Variants in DNAH17 observed in about 807,000 individuals in gnomAD.
DNAH17 encodes axonemal beta dynein heavy chain 17.
Under a neutral mutation model 485.6 loss-of-function variants are expected in DNAH17, and 376 were observed. The observed-to-expected ratio is 0.77, with a 90% CI of 0.71 to 0.84. The LOEUF (loss-of-function observed/expected upper bound fraction) is 0.84, where lower values mean the gene tolerates loss of function less well. DNAH17 is among the 40% of genes least tolerant of loss of function. The pLI is 0.00. For synonymous variants in DNAH17, 3,031 were observed against 2,405.9 expected (o/e 1.26, Z -7.60); for missense variants, 6,370 against 5,839.3 (o/e 1.09, Z -2.96).
At chr17:78,547,896 G>T (rs1249666186) in intron 16 of DNAH17, among the ~76,000 whole-genome samples, 1 of 152,192 alleles carries the variant, frequency 6.6e-6, no homozygotes, top group African/African-American at 2.4e-5. Flanking sequence ...GGGATTACAG[G>T]TGTGAGCCAC....
At position 78,459,095 on chromosome 17, in the gene DNAH17, C is replaced by T; in HGVS notation, c.9767G>A (p.Cys3256Tyr). ...TGCCTGCCTCTTGGGCGCCACGTCG[C>T]AGTAGACCTCGTAGAAGCGGACGAT... The part of the protein sequence containing the change: ...INIVRFYEVY[C>Y]DVAPKRQALE... Residue 3256 changes from cysteine to tyrosine, a missense_variant, in exon 61 of 81, where the codon TGC (cysteine) becomes TAC (tyrosine). By Grantham distance (194) the Cys-to-Tyr change is radical (BLOSUM62 -2). Coordinates refer to ENST00000389840, the MANE Select transcript of DNAH17 (RefSeq NM_173628.4). The T allele has an allele frequency of 1.2e-6, 2 of 1,614,024 alleles. No homozygotes were observed. The highest frequency in any genetic ancestry group is 1.7e-6 in the Non-Finnish European group (2 of 1,179,904).
chr17:78,565,264 G>A (rs941817263), intron 11 of DNAH17, among the ~76,000 whole-genome samples: 1 of 152,190 alleles, frequency 6.6e-6, no homozygotes, highest in African/African-American at 2.4e-5. Context: ...TCTTGCTTTA[G>A]CAAGTATAAC....
In DNAH17 at chr17:78,464,318, G is replaced by A. The variant is rs138991689; in HGVS notation, c.8941-1241C>T. 5.1e-3 allele frequency among the ~76,000 whole-genome samples: 776 copies of A among 152,266 alleles called. 10 individuals are homozygous for A. The highest frequency in any genetic ancestry group is 0.017 in the African/African-American group (724 of 41,532). ...TCTATTGCCCAGGCTAGAGTGCAGT[G>A]GCACAATCTTGGCTTACTGAAACTT... On this transcript the variant is annotated intron_variant, in intron 56 of 80. Coordinates refer to ENST00000389840, the MANE Select transcript of DNAH17 (RefSeq NM_173628.4).
intron 65 of DNAH17, among the ~76,000 whole-genome samples, chr17:78,452,059 G>A (rs74647397): frequency 6.8e-6 from 1 of 148,050 alleles, no homozygotes; most frequent in East Asian, 2.0e-4. Flanking sequence ...CATCCACTGT[G>A]GGGGGCGCTT....
intron 78 of DNAH17, 111 bp downstream of exon 78, chr17:78,426,815 C>T: frequency 2.2e-6 from 3 of 1,357,088 alleles, no homozygotes; most frequent in Non-Finnish European, 2.0e-6. Flanking sequence ...GGAGAGGGAG[C>T]AGTACCATGC....
At chr17:78,469,771 T>A (rs1443415737) in intron 54 of DNAH17, among the ~76,000 whole-genome samples, 1 of 152,210 alleles carries the variant, frequency 6.6e-6, no homozygotes, top group Non-Finnish European at 1.5e-5. Context: ...ACACGTGCTA[T>A]AGCACGGACA....
At position 78,429,313 on chromosome 17, in the gene DNAH17, G is replaced by A; in HGVS notation, c.12226-13C>T. On this transcript the variant is annotated splice_polypyrimidine_tract_variant and intron_variant, in intron 75 of 80. Transcript: ENST00000389840. ...CGTCCCAGGGCACCTGAGGAAGGAT[G>A]ACAGCGGGTAGGGGAAAGTGCCCCT... is the stretch of plus-strand genomic sequence containing the variant. The A allele has an allele frequency of 6.2e-7, 1 of 1,610,962 alleles. No homozygotes were observed. The highest frequency in any genetic ancestry group is 8.5e-7 in the Non-Finnish European group (1 of 1,177,894).
chr17:78,571,207 C>A, intron 5 of DNAH17, 72 bp downstream of exon 5: 1 of 1,418,088 alleles, frequency 7.1e-7, no homozygotes, highest in Non-Finnish European at 9.8e-7. Flanking sequence ...GGGTTGGTGA[C>A]AAGTCTGACC....
chr17:78,522,455 G>A (rs1354680378), intron 25 of DNAH17: 7 of 317,320 alleles, frequency 2.2e-5, no homozygotes, highest in Non-Finnish European at 3.8e-5. Context: ...TGGAAGGGTG[G>A]AGGCACTGGC....
rs774073149 is a variant in DNAH17, at chr17:78,570,355, G to A, written c.936C>T (p.Ala312=). Residue 312 remains alanine, a synonymous_variant, in exon 7 of 81, where the codon GCC becomes GCT. Coordinates refer to ENST00000389840, the MANE Select transcript of DNAH17 (RefSeq NM_173628.4). The stretch of plus-strand genomic sequence containing the variant: ...TGAAGCAGATGGTGTCCAGCACCTT[G>A]GCAATGAAGGTGGGGAGCTGGGGGG... ...ADFTMLPTFI[A]KVLDTICFIW... 1 of 1,610,784 alleles carries A rather than the reference G, an allele frequency of 6.2e-7. No homozygotes were observed. The highest frequency in any genetic ancestry group is 8.5e-7 in the Non-Finnish European group (1 of 1,178,900).
chr17:78,458,471 G>A (rs976496621), intron 62 of DNAH17, 94 bp downstream of exon 62: 19 of 1,070,642 alleles, frequency 1.8e-5, no homozygotes, highest in Non-Finnish European at 2.5e-5. Context: ...GCTTCCACCT[G>A]GGCTCCCTCC....
intron 41 of DNAH17, 177 bp from the exon 42 acceptor site, chr17:78,492,942 C>G: frequency 1.7e-6 from 1 of 590,704 alleles, no homozygotes; most frequent in Non-Finnish European, 2.7e-6. Flanking sequence ...ACCTCTGCCT[C>G]AGGGTTCAAG....
rs775484662 is a variant in DNAH17, at chr17:78,558,174, G to T, written c.2112C>A (p.Phe704Leu). Reference sequence around the variant, plus strand: ...ACTTCCGGAAAGTTTCGTTCTCTGAGAACAGACTCTCCGCACTGTCTGGAA... The same window carrying T: ...ACTTCCGGAAAGTTTCGTTCTCTGATAACAGACTCTCCGCACTGTCTGGAA... ...KEIPDSAESL[F>L]SENETFRKFV... The change falls in exon 14 of 81, where the codon TTC (phenylalanine) becomes TTA (leucine). Residue 704 changes from phenylalanine to leucine, a missense_variant. By Grantham distance (22) the Phe-to-Leu change is conservative. Transcript: ENST00000389840. 5 of 1,613,822 alleles carry T rather than the reference G, an allele frequency of 3.1e-6. No homozygotes were observed. The South Asian group carries it at 5.5e-5, about 18-fold the overall frequency.
intron 77 of DNAH17, among the ~76,000 whole-genome samples, chr17:78,427,543 C>T (rs903242764): frequency 4.6e-5 from 7 of 152,218 alleles, no homozygotes; most frequent in African/African-American, 1.4e-4. Context: ...GTCTGTCAGC[C>T]AATTCCTGAT....
chr17:78,460,014 G>A lies in DNAH17; in HGVS notation c.9436-13C>T. 2 of 1,612,192 alleles carry A rather than the reference G, an allele frequency of 1.2e-6. No individual in the cohort carries two copies. The highest frequency in any genetic ancestry group is 1.7e-6 in the Non-Finnish European group (2 of 1,179,814). ...CTGTCAGGTTGTTCTGCAAATGACA[G>A]ACGGGATGGGTCCGATGGGAGTTTG... On this transcript the variant is annotated splice_polypyrimidine_tract_variant and intron_variant, in intron 59 of 80. Transcript: ENST00000389840.
chr17:78,477,598 C>T (rs113356545), intron 51 of DNAH17, among the ~76,000 whole-genome samples: 5 of 152,034 alleles, frequency 3.3e-5, no homozygotes, highest in Non-Finnish European at 4.4e-5. Context: ...AGGCTGGTCT[C>T]GAACTCCTGA....
At chr17:78,430,484 G>A (rs1027100247) in intron 75 of DNAH17, among the ~76,000 whole-genome samples, 7 of 152,302 alleles carry the variant, frequency 4.6e-5, no homozygotes, top group Middle Eastern at 6.8e-3. Context: ...CGGAAGAGCT[G>A]TCATCAAATA....
At chr17:78,525,311 G>C in intron 24 of DNAH17, 150 bp from the exon 25 acceptor site, 2 of 1,242,866 alleles carry the variant, frequency 1.6e-6, no homozygotes, top group Non-Finnish European at 2.2e-6. Flanking sequence ...CACCTGGAGG[G>C]AGGACAGAGC....
chr17:78,557,961 T>C (rs2092063593), intron 14 of DNAH17, 147 bp downstream of exon 14: 3 of 1,000,716 alleles, frequency 3.0e-6, no homozygotes, highest in Non-Finnish European at 4.3e-6. Context: ...AGGTACTCAG[T>C]AAGTATGCAG....
Sources: allele counts gnomAD v4.1 joint callset (sites outside exome capture counted in the v4.1 genomes callset), GRCh38; gene constraint gnomAD v4.1.1; transcripts MANE v1.5; gene names NCBI Gene and HGNC (gene_info 2026-07-23, HGNC 2026-07-21).